The following MIDEAS variants were observed in gnomAD, a reference collection of about 807,000 sequenced individuals.
The protein encoded by MIDEAS is mitotic deacetylase associated SANT domain protein.
A neutral mutation model predicts 102.7 loss-of-function variants in MIDEAS; 26 were observed. The observed-to-expected ratio is 0.25, with a 90% CI of 0.19 to 0.35. The LOEUF (loss-of-function observed/expected upper bound fraction) is 0.35, where lower values mean the gene tolerates loss of function less well. Among genes scored for constraint, MIDEAS ranks in the 10% least tolerant of loss-of-function variants. The probability of loss-of-function intolerance (pLI) is 1.00; values close to 1 mark genes in which losing one functional copy is unlikely to be tolerated. For synonymous variants in MIDEAS, 585 were observed against 591.0 expected (o/e 0.99, Z 0.15); for missense variants, 1,231 against 1,435.6 (o/e 0.86, Z 2.30).
intron 1 of MIDEAS, among the ~76,000 whole-genome samples, chr14:73,765,367 A>C (rs1229386932): frequency 6.6e-6 from 1 of 152,226 alleles, no homozygotes; most frequent in Non-Finnish European, 1.5e-5. Context: ...GATGACCTTC[A>C]GCGAGTTACT....
At chr14:73,722,894 T>C (rs530151534) in intron 9 of MIDEAS, 47 bp from the exon 10 acceptor site, 1 of 1,601,844 alleles carries the variant, frequency 6.2e-7, no homozygotes, top group South Asian at 1.1e-5. Context: ...GTTTGGCTCA[T>C]CTGCCTGTGG....
At chr14:73,747,717 G>A (rs139856631) in intron 1 of MIDEAS, among the ~76,000 whole-genome samples, 3 of 152,066 alleles carry the variant, frequency 2.0e-5, no homozygotes, top group East Asian at 3.9e-4. Flanking sequence ...GGAAGAGCAC[G>A]ATGGGGAATC....
intron 1 of MIDEAS, among the ~76,000 whole-genome samples, chr14:73,775,166 C>G (rs1391103254): frequency 5.9e-5 from 9 of 151,870 alleles, no homozygotes. Context: ...CCAGGAGCAG[C>G]AAGAGGCCGG....
At chr14:73,784,061 T>C (rs752486991) in intron 1 of MIDEAS, among the ~76,000 whole-genome samples, 23 of 152,162 alleles carry the variant, frequency 1.5e-4, no homozygotes, top group Admixed American at 3.9e-4. Context: ...CACCTCGGGG[T>C]TTCCGCCAGA....
chr14:73,771,950 C>T (rs2053645829), intron 1 of MIDEAS, among the ~76,000 whole-genome samples: 1 of 152,224 alleles, frequency 6.6e-6, no homozygotes, highest in Non-Finnish European at 1.5e-5. Context: ...GTGGCAGGGG[C>T]CTGAAGTAAG....
chr14:73,725,104 G>C lies in MIDEAS; in HGVS notation c.2574+168C>G, dbSNP rs2053042743. Reference sequence around the variant, plus strand: ...GGATGCTTAGAACCAAAAGGGAAAAGAGACCTATCTTTCTCTTTCTTGTAT... The same window carrying C: ...GGATGCTTAGAACCAAAAGGGAAAACAGACCTATCTTTCTCTTTCTTGTAT... On this transcript the variant is annotated intron_variant, in intron 9 of 12. Coordinates refer to ENST00000423556, the MANE Select transcript of MIDEAS (RefSeq NM_001367710.1). The surrounding 1 kb of genome is among the most constrained non-coding windows in gnomAD (Gnocchi z 4.1). 2 of 623,646 alleles carry C rather than the reference G, an allele frequency of 3.2e-6. No individual in the cohort carries two copies. 38.6% of individuals were successfully genotyped at this position (623,646 alleles called of 1,614,324 possible). A position where few individuals can be genotyped will look rare whatever the true frequency, so the allele number is the denominator to read the frequency against.
intron 5 of MIDEAS, chr14:73,727,232 C>T: frequency 1.6e-6 from 1 of 630,820 alleles, no homozygotes; most frequent in Non-Finnish European, 2.7e-6. Context: ...TTTCAACTCT[C>T]CTAGAGATAA....
At chr14:73,745,210 C>T (rs938854758) in intron 1 of MIDEAS, among the ~76,000 whole-genome samples, 10 of 152,214 alleles carry the variant, frequency 6.6e-5, no homozygotes, top group Admixed American at 3.9e-4. Flanking sequence ...TCCCACCCTA[C>T]CCCTGGCCCC....
intron 1 of MIDEAS, among the ~76,000 whole-genome samples, chr14:73,753,400 A>G (rs1000000833): frequency 1.3e-5 from 2 of 152,228 alleles, no homozygotes; most frequent in African/African-American, 4.8e-5. Context: ...CTGCAGGGTA[A>G]AAGTAGTCAG....
In MIDEAS at chr14:73,782,525, T is replaced by A. The variant is rs1595304026; in HGVS notation, c.-248+4577A>T. The stretch of plus-strand genomic sequence containing the variant: ...TGCATTTTTTTACAGAGAAGGGGTC[T>A]TGCCACATTGCCTAGGCTGGTCTTG... On this transcript the variant is annotated intron_variant, in intron 1 of 11. Coordinates refer to the MIDEAS transcript ENST00000394071. 2.0e-5 allele frequency among the ~76,000 whole-genome samples: 3 copies of A among 152,152 alleles called. No individual in the cohort carries two copies. The East Asian group carries it at 5.8e-4, about 29-fold the overall frequency.
At chr14:73,765,029 C>T (rs914296386), upstream of MIDEAS, among the ~76,000 whole-genome samples, 3 of 152,242 alleles carry the variant, frequency 2.0e-5, no homozygotes, top group Non-Finnish European at 2.9e-5. Flanking sequence ...AGGACTGAAA[C>T]GCCCTTTCTT....
intron 3 of MIDEAS, among the ~76,000 whole-genome samples, chr14:73,735,713 CA>C (rs1302633643): frequency 5.3e-5 from 8 of 152,068 alleles, no homozygotes; most frequent in East Asian, 1.9e-4. Context: ...CTTTAAAAGA[CA>C]AAAAGGGTGG....
At position 73,738,940 on chromosome 14, in the gene MIDEAS, G is replaced by A. The variant is rs150942373; in HGVS notation, c.1069C>T (p.Pro357Ser). The A allele has an allele frequency of 2.1e-5, 32 of 1,527,690 alleles. No individual in the cohort carries two copies. The highest frequency in any genetic ancestry group is 2.8e-5 in the Non-Finnish European group (32 of 1,139,684). 94.6% of individuals were successfully genotyped at this position (1,527,690 alleles called of 1,614,324 possible). A position where few individuals can be genotyped will look rare whatever the true frequency, so the allele number is the denominator to read the frequency against. The change falls in exon 2 of 13, where the codon CCC (proline) becomes TCC (serine). Residue 357 changes from proline (P) to serine (S), a missense_variant. Pro to Ser is a moderately conservative substitution (Grantham distance 74). Transcript: ENST00000423556. ...RRLSKEGILP[P>S]SALDGAGTQP... The stretch of plus-strand genomic sequence containing the variant: ...GTGCCAGCCCCATCCAGGGCGCTGG[G>A]AGGCAGGATACCCTCCTTAGAGAGG...
chr14:73,777,612 C>G (rs2053703323), intron 1 of MIDEAS, among the ~76,000 whole-genome samples: 2 of 151,996 alleles, frequency 1.3e-5, no homozygotes. Context: ...CTGAGCTGCT[C>G]CCTGTACCTA....
In MIDEAS at chr14:73,718,820, C is replaced by G. The variant is rs2052936221; in HGVS notation, c.*23G>C. Reference sequence around the variant, plus strand: ...GTGCGGGAAGGGCCGAGGCCCAGGACTGGGCCAGCCTGGCTCCCGCGCTCA... The same window carrying G: ...GTGCGGGAAGGGCCGAGGCCCAGGAGTGGGCCAGCCTGGCTCCCGCGCTCA... On this transcript the variant is annotated 3_prime_UTR_variant, in exon 13 of 13. Transcript: ENST00000423556. The G allele has an allele frequency of 2.8e-6, 4 of 1,409,146 alleles. No individual in the cohort carries two copies. Among genetic ancestry groups the G allele is most frequent in the Middle Eastern group, 2.4e-4 (1 of 4,122 alleles). The allele number at this position is 1,409,146 out of a possible 1,614,324, so 87.3% of individuals were successfully genotyped here.
At chr14:73,741,159 G>C (rs1424467660) in intron 1 of MIDEAS, among the ~76,000 whole-genome samples, 1 of 152,222 alleles carries the variant, frequency 6.6e-6, no homozygotes, top group African/African-American at 2.4e-5. Flanking sequence ...AGATCGTAGA[G>C]GGTGCAGATT....
chr14:73,761,194 C>T (rs1364698641), upstream of MIDEAS, among the ~76,000 whole-genome samples: 1 of 152,146 alleles, frequency 6.6e-6, no homozygotes, highest in Non-Finnish European at 1.5e-5. Context: ...TGTGTCCTGG[C>T]AGCCACTTTT....
At chr14:73,726,266 G>C (rs568585354) in intron 7 of MIDEAS, among the ~76,000 whole-genome samples, 158 bp from the exon 8 acceptor site, 101 of 111,740 alleles carry the variant, frequency 9.0e-4, no homozygotes, top group African/African-American at 2.5e-3. Flanking sequence ...TGAGATCACA[G>C]GGGGTGGGGC....
Position 73,779,998 on chromosome 14 carries a change from G to A in MIDEAS, c.-248+7104C>T, listed in dbSNP as rs371329050. ...CACCATTCTCCCGACTCAGCCTCCC[G>A]AGTAGCTGGGACTACAGGTGCCTGC... On this transcript the variant is annotated intron_variant, in intron 1 of 11. Transcript: ENST00000394071. 6.1e-3 allele frequency among the ~76,000 whole-genome samples: 914 copies of A among 150,722 alleles called. 19 individuals are homozygous for A. Among genetic ancestry groups the A allele is most frequent in the African/African-American group, 0.021 (870 of 41,104 alleles).
Sources: allele counts gnomAD v4.1 joint callset (sites outside exome capture counted in the v4.1 genomes callset), GRCh38; gene constraint gnomAD v4.1.1; non-coding constraint Gnocchi (gnomAD v3.1); transcripts MANE v1.5; gene names NCBI Gene and HGNC (gene_info 2026-07-23, HGNC 2026-07-21).